Variants in DGKI observed in about 807,000 individuals in gnomAD.
DGKI encodes the protein DAG kinase iota.
A neutral mutation model predicts 147.5 loss-of-function variants in DGKI; 55 were observed. That is an observed-to-expected ratio of 0.37 (90% confidence interval 0.30 to 0.47). The LOEUF (loss-of-function observed/expected upper bound fraction) is 0.47. Among genes scored for constraint, DGKI ranks in the 20% least tolerant of loss-of-function variants. The probability of loss-of-function intolerance (pLI) is 1.00; values close to 1 mark genes in which losing one functional copy is unlikely to be tolerated. For missense variants in DGKI, 1,007 were observed against 1,323.8 expected (o/e 0.76, Z 3.71); for synonymous variants, 469 against 477.1 (o/e 0.98, Z 0.22).
chr7:137,594,470 C>T (rs1267565464), intron 12 of DGKI, among the ~76,000 whole-genome samples: 1 of 152,202 alleles, frequency 6.6e-6, no homozygotes, highest in South Asian at 2.1e-4. Flanking sequence ...AAATAATACT[C>T]TTAATTTAAA....
chr7:137,498,250 A>G lies in DGKI; in HGVS notation c.2249-10561T>C, dbSNP rs373697139. On this transcript the variant is annotated intron_variant, in intron 21 of 32. Coordinates refer to ENST00000614521, the MANE Select transcript of DGKI (RefSeq NM_001321708.2). ...CTCTAAAAAAGTAGAGCAAAAATAAAAAGAGATAGAAAGTAGGAGAGAAAA... is the reference window on the plus strand; with the variant it reads ...CTCTAAAAAAGTAGAGCAAAAATAAGAAGAGATAGAAAGTAGGAGAGAAAA... Among the ~76,000 whole-genome samples the G allele has an allele frequency of 9.2e-5, 14 of 151,886 alleles. No homozygotes were observed. The East Asian group carries it at 9.6e-4, about 10-fold the overall frequency.
intron 1 of DGKI, among the ~76,000 whole-genome samples, chr7:137,791,408 C>A (rs1796851506): frequency 6.6e-6 from 1 of 152,090 alleles, no homozygotes; most frequent in Admixed American, 6.5e-5. Flanking sequence ...CATATCTTCT[C>A]CAAAAGATTC....
At chr7:137,512,096 C>T (rs1379843434) in intron 21 of DGKI, among the ~76,000 whole-genome samples, 1 of 152,184 alleles carries the variant, frequency 6.6e-6, no homozygotes, top group Non-Finnish European at 1.5e-5. Context: ...TCTGTTTCCC[C>T]AGAAACTCAA....
intron 3 of DGKI, among the ~76,000 whole-genome samples, chr7:137,658,204 A>C (rs1822292517): frequency 6.6e-6 from 1 of 152,226 alleles, no homozygotes; most frequent in Non-Finnish European, 1.5e-5. Context: ...AGGAACAAGA[A>C]AACATACAGT....
chr7:137,727,010 A>G (rs1181550553), intron 1 of DGKI, among the ~76,000 whole-genome samples: 1 of 152,152 alleles, frequency 6.6e-6, no homozygotes, highest in Non-Finnish European at 1.5e-5. Flanking sequence ...CTATTTGTGT[A>G]TATTGTATGT....
At chr7:137,507,734 C>G (rs1386373427) in intron 21 of DGKI, among the ~76,000 whole-genome samples, 4 of 152,084 alleles carry the variant, frequency 2.6e-5, no homozygotes, top group African/African-American at 9.7e-5. Context: ...GGTACCTGCC[C>G]TCAAGGAGTT....
chr7:137,742,488 C>A (rs1559489), intron 1 of DGKI, among the ~76,000 whole-genome samples: 32,963 of 151,972 alleles, frequency 0.22, 6,343 homozygotes, highest in African/African-American at 0.51. Context: ...CAGATGTACA[C>A]AAGAATGCCC....
intron 30 of DGKI, among the ~76,000 whole-genome samples, chr7:137,402,684 T>C (rs984687770): frequency 2.0e-5 from 3 of 152,158 alleles, no homozygotes; most frequent in Non-Finnish European, 2.9e-5. Flanking sequence ...TGGGCCCTCA[T>C]TTCCCATTAG....
rs1811102634 is a variant in DGKI, at chr7:137,383,292, A to C, written c.*7928T>G. Reference sequence around the variant, plus strand: ...TTGGCAAAAATGCTAGCCAATTCCCAAATCTCCTAAAAAAGATATGTTTCT... The same window carrying C: ...TTGGCAAAAATGCTAGCCAATTCCCCAATCTCCTAAAAAAGATATGTTTCT... On this transcript the variant is annotated 3_prime_UTR_variant, in exon 33 of 33. Coordinates refer to ENST00000614521, the MANE Select transcript of DGKI (RefSeq NM_001321708.2). The C allele has an allele frequency of 7.1e-6, 1 of 140,206 alleles. No individual in the cohort carries two copies. Among genetic ancestry groups the C allele is most frequent in the African/African-American group, 2.4e-5 (1 of 40,902 alleles). 8.7% of individuals were successfully genotyped at this position (140,206 alleles called of 1,614,324 possible).
chr7:137,691,805 T>TGTTTGTTTG (rs1823617756), intron 1 of DGKI, among the ~76,000 whole-genome samples: 7 of 125,198 alleles, frequency 5.6e-5, no homozygotes, highest in African/African-American at 3.2e-4. Context: ...TGGGTTTTTT[T>TGTTTGTTTG]TTTTTTTTTT....
chr7:137,778,871 C>T (rs1261864552), intron 1 of DGKI, among the ~76,000 whole-genome samples: 1 of 152,064 alleles, frequency 6.6e-6, no homozygotes, highest in Non-Finnish European at 1.5e-5. Flanking sequence ...GCAGTGATCC[C>T]TAAAATCTGC....
chr7:137,793,308 T>G (rs1187738906), intron 1 of DGKI, among the ~76,000 whole-genome samples: 2 of 94,392 alleles, frequency 2.1e-5, no homozygotes, highest in African/African-American at 1.5e-4. Flanking sequence ...CTTTTTTTTG[T>G]TTTTTTTTTT....
intron 23 of DGKI, among the ~76,000 whole-genome samples, chr7:137,484,098 A>G (rs1815467445): frequency 6.6e-6 from 1 of 152,064 alleles, no homozygotes; most frequent in South Asian, 2.1e-4. Context: ...TTTCAAGGCC[A>G]GACAGATGGA....
intron 1 of DGKI, among the ~76,000 whole-genome samples, chr7:137,831,590 A>T (rs1255540711): frequency 1.3e-5 from 2 of 152,236 alleles, no homozygotes; most frequent in South Asian, 4.1e-4. Context: ...CATCGGGCTC[A>T]TTCCACAACA....
chr7:137,694,349 C>T (rs1823716134), intron 1 of DGKI, among the ~76,000 whole-genome samples: 2 of 151,528 alleles, frequency 1.3e-5, no homozygotes, highest in Non-Finnish European at 2.9e-5. Context: ...TTATGGAAAA[C>T]ATGCAAATAA....
At chr7:137,665,196 A>G (rs1344376378) in intron 3 of DGKI, among the ~76,000 whole-genome samples, 1 of 152,168 alleles carries the variant, frequency 6.6e-6, no homozygotes, top group Non-Finnish European at 1.5e-5. Flanking sequence ...CAAGGGTCAC[A>G]GTGATAATTT....
chr7:137,763,890 G>T (rs910395479), intron 1 of DGKI, among the ~76,000 whole-genome samples: 14 of 152,226 alleles, frequency 9.2e-5, no homozygotes, highest in Admixed American at 7.9e-4. Flanking sequence ...AGCAAAGCAT[G>T]CTGTAATACT....
At position 137,521,982 on chromosome 7, in the gene DGKI, C is replaced by T. The variant is rs778287749; in HGVS notation, c.2148-16G>A. 8 of 1,595,266 alleles carry T rather than the reference C, an allele frequency of 5.0e-6. No individual in the cohort carries two copies. The highest frequency in any genetic ancestry group is 2.2e-5 in the East Asian group (1 of 44,530). ...AGACTGGGGACTGCAAAACAAGAAC[C>T]GAGTGGTCAGATACAAATGAGAGAG... On this transcript the variant is annotated splice_polypyrimidine_tract_variant and intron_variant, in intron 20 of 32. Coordinates refer to ENST00000614521, the MANE Select transcript of DGKI (RefSeq NM_001321708.2).
chr7:137,600,019 C>T, intron 10 of DGKI, 114 bp from the exon 11 acceptor site: 1 of 916,358 alleles, frequency 1.1e-6, no homozygotes, highest in Non-Finnish European at 1.7e-6. Flanking sequence ...CACGGTGGCA[C>T]ACGCCTGTAA....
Sources: gnomAD v4.1 joint callset for allele counts (sites outside exome capture counted in the v4.1 genomes callset) on GRCh38, gnomAD v4.1.1 for gene constraint, MANE v1.5 for transcripts, NCBI Gene and HGNC (gene_info 2026-07-23, HGNC 2026-07-21) for gene names.